The following KIF6 variants were observed in gnomAD, a reference collection of about 807,000 sequenced individuals.
KIF6 encodes the protein kinesin family member 6.
KIF6 carries 106 observed loss-of-function variants against 112.7 expected under a neutral mutation model. That is an observed-to-expected ratio of 0.94 (90% confidence interval 0.80 to 1.11). The LOEUF is 1.11. Among genes scored for constraint, KIF6 ranks in the 50% least tolerant of loss-of-function variants. The pLI is 0.00. For missense variants in KIF6, 929 were observed against 964.0 expected (o/e 0.96, Z 0.48); for synonymous variants, 339 against 339.9 (o/e 1.00, Z 0.03).
intron 3 of KIF6, among the ~76,000 whole-genome samples, chr6:39,699,565 T>C (rs1025939978): frequency 1.2e-4 from 18 of 152,184 alleles, no homozygotes; most frequent in African/African-American, 3.4e-4. Flanking sequence ...CTGGCCTTTT[T>C]GGCAGGGCTG....
In KIF6 at chr6:39,336,393, C is replaced by T. The variant is rs946600523; in HGVS notation, c.*139G>A. ...TCAGCATCCTTAAAGAAACACAGTC[C>T]CCTCCATGGGAATCAAAGTCACTAG... On this transcript the variant is annotated 3_prime_UTR_variant, in exon 23 of 23. Coordinates refer to ENST00000287152, the MANE Select transcript of KIF6 (RefSeq NM_145027.6). The T allele has an allele frequency of 3.3e-5, 27 of 807,880 alleles. No homozygotes were observed. Among genetic ancestry groups the T allele is most frequent in the Non-Finnish European group, 5.6e-5 (27 of 479,064 alleles). 50.0% of individuals were successfully genotyped at this position (807,880 alleles called of 1,614,324 possible).
At chr6:39,580,167 A>C (rs976828571) in intron 9 of KIF6, among the ~76,000 whole-genome samples, 4 of 152,112 alleles carry the variant, frequency 2.6e-5, no homozygotes, top group Non-Finnish European at 5.9e-5. Flanking sequence ...GATTCCTTTC[A>C]ATAAGGATCT....
At chr6:39,415,870 T>C (rs1452496835) in intron 15 of KIF6, among the ~76,000 whole-genome samples, 2 of 151,746 alleles carry the variant, frequency 1.3e-5, no homozygotes, top group South Asian at 2.1e-4. Flanking sequence ...GTTCTTTGAA[T>C]TTGGAGTAGG....
At chr6:39,687,845 T>C (rs1787964736) in intron 3 of KIF6, among the ~76,000 whole-genome samples, 1 of 152,188 alleles carries the variant, frequency 6.6e-6, no homozygotes, top group Non-Finnish European at 1.5e-5. Context: ...AGGATACTTT[T>C]CTAGTTGAGA....
intron 5 of KIF6, among the ~76,000 whole-genome samples, chr6:39,631,791 G>A (rs1784366765): frequency 6.6e-6 from 1 of 151,472 alleles, no homozygotes; most frequent in Non-Finnish European, 1.5e-5. Context: ...GAATAACCTG[G>A]GAATTGTTCT....
At position 39,534,071 on chromosome 6, in the gene KIF6, T is replaced by C. The variant is rs530770723; in HGVS notation, c.1645+5932A>G. On this transcript the variant is annotated intron_variant, in intron 13 of 22. Transcript: ENST00000287152. ...CCAAAAACCCATCTGTACATCAGCA[T>C]CATCAAAGACCAAAAGTAGATAAAA... 8.9e-4 allele frequency among the ~76,000 whole-genome samples: 136 copies of C among 152,202 alleles called. 1 individual carries two copies. Among genetic ancestry groups the C allele is most frequent in the African/African-American group, 3.2e-3 (132 of 41,508 alleles).
At chr6:39,441,423 A>G (rs1771915549) in intron 13 of KIF6, among the ~76,000 whole-genome samples, 2 of 152,188 alleles carry the variant, frequency 1.3e-5, no homozygotes, top group Non-Finnish European at 2.9e-5. Flanking sequence ...TACTGTGCAG[A>G]TGGTCTCCCC....
chr6:39,709,356 A>C (rs1010662254), intron 3 of KIF6, among the ~76,000 whole-genome samples: 3 of 152,186 alleles, frequency 2.0e-5, no homozygotes, highest in Non-Finnish European at 4.4e-5. Context: ...CATTAGTTAG[A>C]TTCTCATAAG....
Position 39,343,592 on chromosome 6 carries a change from C to A in KIF6, c.2428+117G>T. 1 of 1,151,752 alleles carries A rather than the reference C, an allele frequency of 8.7e-7. No homozygotes were observed. The highest frequency in any genetic ancestry group is 1.2e-6 in the Non-Finnish European group (1 of 817,206). 71.3% of individuals were successfully genotyped at this position (1,151,752 alleles called of 1,614,324 possible). ...ACATGTGACTGACAGGCAGGCCAGT[C>A]CTGTGGCTTCAGGAATATGCAGGAA... On this transcript the variant is annotated intron_variant, in intron 22 of 22. Coordinates refer to ENST00000287152, the MANE Select transcript of KIF6 (RefSeq NM_145027.6). This position sits in a 1 kb window ranked among gnomAD's most constrained non-coding sequence, Gnocchi z 4.1.
rs1205946421 is a variant in KIF6, at chr6:39,681,975, A to AT, written c.251+32716dup. Among the ~76,000 whole-genome samples, 7 of 28,814 alleles carry AT rather than the reference A, an allele frequency of 2.4e-4. No homozygotes were observed. In the East Asian group the frequency reaches 0.012, roughly 51 times the overall value. 18.9% of individuals were successfully genotyped at this position (28,814 alleles called of 152,430 possible). On this transcript the variant is annotated intron_variant, in intron 3 of 22. Coordinates refer to ENST00000287152, the MANE Select transcript of KIF6 (RefSeq NM_145027.6). ...TTTCTTTCAGAGAAAAAAAATGCTC[A>AT]TCGGGGGAAATACTGAATTCTGTCA...
intron 10 of KIF6, among the ~76,000 whole-genome samples, chr6:39,558,568 C>A (rs1232657781): frequency 1.3e-5 from 2 of 152,118 alleles, no homozygotes; most frequent in Non-Finnish European, 2.9e-5. Flanking sequence ...GGTCCCATTT[C>A]TTGTTTTAAA....
intron 5 of KIF6, among the ~76,000 whole-genome samples, chr6:39,622,188 A>G (rs1783860994): frequency 6.6e-6 from 1 of 151,798 alleles, no homozygotes; most frequent in Non-Finnish European, 1.5e-5. Context: ...AAAGAAACAA[A>G]GAAATTGAAC....
chr6:39,669,552 T>C (rs967017626), intron 3 of KIF6, among the ~76,000 whole-genome samples: 1 of 152,252 alleles, frequency 6.6e-6, no homozygotes, highest in African/African-American at 2.4e-5. Context: ...TTGAAAATGT[T>C]ACCATTCATT....
intron 13 of KIF6, among the ~76,000 whole-genome samples, chr6:39,443,383 C>T (rs1276559240): frequency 1.3e-5 from 2 of 151,994 alleles, no homozygotes; most frequent in Non-Finnish European, 2.9e-5. Context: ...AATTTTCTAT[C>T]TATGCCTAAA....
intron 13 of KIF6, among the ~76,000 whole-genome samples, chr6:39,495,875 GTGAACTGCTTTC>G (rs996621649): frequency 1.2e-4 from 18 of 152,136 alleles, no homozygotes; most frequent in African/African-American, 4.3e-4. Context: ...ATGTATAAAT[GTGAACTGCTTTC>G]TGAAAACTCT....
intron 6 of KIF6, 84 bp from the exon 7 acceptor site, chr6:39,596,344 T>C (rs1782267728): frequency 1.0e-6 from 1 of 959,384 alleles, no homozygotes; most frequent in Non-Finnish European, 1.6e-6. Flanking sequence ...ATATTTCTAG[T>C]GATAAGACAT....
chr6:39,393,830 A>G (rs1768063205), intron 15 of KIF6, among the ~76,000 whole-genome samples: 1 of 152,178 alleles, frequency 6.6e-6, no homozygotes, highest in Admixed American at 6.5e-5. Flanking sequence ...AAATCAATAG[A>G]AGATCAGAAA....
rs34784345 is a variant in KIF6, at chr6:39,711,277, TAAAAAAA to T, written c.251+3408_251+3414del. On this transcript the variant is annotated intron_variant, in intron 3 of 22. Transcript: ENST00000287152. ...AAAAATCCTAAAAACACCTGGAAAG[TAAAAAAA>T]AAAAAAAAAAAAAGTATGTCTAAAA... Among the ~76,000 whole-genome samples, 4 of 72,904 alleles carry T rather than the reference TAAAAAAA, an allele frequency of 5.5e-5. No individual in the cohort carries two copies. The East Asian group carries it at 1.6e-3, about 28-fold the overall frequency. 47.8% of individuals were successfully genotyped at this position (72,904 alleles called of 152,430 possible). A position where few individuals can be genotyped will look rare whatever the true frequency, so the allele number is the denominator to read the frequency against.
At chr6:39,724,420 T>G (rs903493007) in intron 1 of KIF6, among the ~76,000 whole-genome samples, 25 of 136,356 alleles carry the variant, frequency 1.8e-4, no homozygotes, top group African/African-American at 6.9e-4. Flanking sequence ...GCCACTGCAC[T>G]TCAGTCTGGG....
Sources: gnomAD v4.1 joint callset for allele counts (sites outside exome capture counted in the v4.1 genomes callset) on GRCh38, gnomAD v4.1.1 for gene constraint, Gnocchi (gnomAD v3.1) non-coding constraint, MANE v1.5 for transcripts, NCBI Gene and HGNC (gene_info 2026-07-23, HGNC 2026-07-21) for gene names.